MCM2: variants seen among roughly 807,000 people sequenced by gnomAD.
The protein encoded by MCM2 is DNA replication licensing factor MCM2.
In MCM2, 49 loss-of-function variants were observed where a neutral mutation model predicts 86.4. The ratio of observed to expected loss-of-function variants is 0.57; its 90% CI spans 0.45 to 0.72. The LOEUF is 0.72. Among genes scored for constraint, MCM2 ranks in the 30% least tolerant of loss-of-function variants. The probability of loss-of-function intolerance (pLI) is 0.00; values close to 1 mark genes in which losing one functional copy is unlikely to be tolerated. For synonymous variants in MCM2, 475 were observed against 484.6 expected, an observed-to-expected ratio of 0.98 and a Z score of 0.26; for missense variants, 1,038 against 1,259.9, an observed-to-expected ratio of 0.82 and a Z score of 2.67.
intron 2 of MCM2, chr3:127,604,393 T>C (rs1262854196): frequency 3.8e-6 from 2 of 524,232 alleles, no homozygotes; most frequent in African/African-American, 3.8e-5. Flanking sequence ...TTTCCTTCTA[T>C]TTTAAGGCTT....
rs2074453268 is a variant in MCM2, at chr3:127,618,875, A to G, written c.2014-152A>G. ...TGTCCCATTGTCTGGTTTGCCACCCACACCCAGAACTGCCTGGCACATGGT... is the reference window on the plus strand; with the variant it reads ...TGTCCCATTGTCTGGTTTGCCACCCGCACCCAGAACTGCCTGGCACATGGT... On this transcript the variant is annotated intron_variant, in intron 12 of 15. Transcript: ENST00000265056. The surrounding 1 kb of genome is among the most constrained non-coding windows in gnomAD (Gnocchi z 4.0). 1 of 886,586 alleles carries G rather than the reference A, an allele frequency of 1.1e-6. No homozygotes were observed. Among genetic ancestry groups the G allele is most frequent in the African/African-American group, 1.7e-5 (1 of 59,288 alleles). 54.9% of individuals were successfully genotyped at this position (886,586 alleles called of 1,614,324 possible). A position where few individuals can be genotyped will look rare whatever the true frequency, so the allele number is the denominator to read the frequency against.
intron 13 of MCM2, 80 bp downstream of exon 13, chr3:127,619,358 TG>T: frequency 6.6e-7 from 1 of 1,524,902 alleles, no homozygotes; most frequent in Non-Finnish European, 8.9e-7. Flanking sequence ...GCAGCGGGGG[TG>T]GTGGTCAGTC....
In MCM2 at chr3:127,620,716, A is replaced by G; in HGVS notation, c.2284A>G (p.Ile762Val). The G allele has an allele frequency of 6.2e-7, 1 of 1,603,650 alleles. No homozygotes were observed. The highest frequency in any genetic ancestry group is 8.5e-7 in the Non-Finnish European group (1 of 1,172,718). The change falls in exon 14 of 16, where the codon ATT (isoleucine) becomes GTT (valine). Residue 762 changes from isoleucine to valine, a missense_variant. Ile to Val is a conservative substitution (Grantham distance 29). Around this residue, in one of 4 missense-constraint regions of MCM2, gnomAD observed 336 missense variants for 425.7 expected, o/e 0.79. Coordinates refer to ENST00000265056, the MANE Select transcript of MCM2 (RefSeq NM_004526.4). ...TCTCCAGGCGACAGGCAGCATCCCC[A>G]TTACGGTGCGGCACATCGAGTCCAT... ...KESMATGSIP[I>V]TVRHIESMIR...
rs1476851939 is a variant in MCM2, at chr3:127,618,073, C to A, written c.2005C>A (p.Pro669Thr). Residue 669 changes from proline to threonine, a missense_variant, in exon 12 of 16, where the codon CCA becomes ACA. Physicochemically the swap from Pro to Thr is conservative, Grantham distance 38. This residue lies in a region of MCM2 where 336 missense variants were observed against 425.7 expected (regional missense o/e 0.79). Transcript: ENST00000265056. This position sits in a 1 kb window ranked among gnomAD's most constrained non-coding sequence, Gnocchi z 4.0. ...ILCVVRDTVD[P>T]VQDEMLARFV... ...GTGTGTGGTGAGGGACACCGTGGACCCAGTCCAGGTATAGCTCACATGTGC... is the reference window on the plus strand; with the variant it reads ...GTGTGTGGTGAGGGACACCGTGGACACAGTCCAGGTATAGCTCACATGTGC... 6.2e-7 allele frequency: 1 copy of A among 1,613,710 alleles called. No individual in the cohort carries two copies. Among genetic ancestry groups the A allele is most frequent in the Non-Finnish European group, 8.5e-7 (1 of 1,179,726 alleles).
chr3:127,599,717 G>A (rs927936471), intron 2 of MCM2, among the ~76,000 whole-genome samples, 170 bp downstream of exon 2: 4 of 152,166 alleles, frequency 2.6e-5, no homozygotes, highest in African/African-American at 9.7e-5. Context: ...CCATGACACA[G>A]GTCTCTTTAA....
intron 13 of MCM2, among the ~76,000 whole-genome samples, chr3:127,619,908 C>A (rs915643217): frequency 6.6e-6 from 1 of 152,054 alleles, no homozygotes; most frequent in East Asian, 1.9e-4. Flanking sequence ...TACTTGAGCC[C>A]AGGAGTTCGA....
At position 127,611,083 on chromosome 3, in the gene MCM2, T is replaced by C. The variant is rs551875788; in HGVS notation, c.1428+2060T>C. 5.9e-4 allele frequency: 241 copies of C among 411,152 alleles called. 2 individuals carry two copies. Among genetic ancestry groups the C allele is most frequent in the Non-Finnish European group, 7.5e-4 (153 of 204,120 alleles). The allele number at this position is 411,152 out of a possible 1,614,324, so 25.5% of individuals were successfully genotyped here. ...CAAGATCTTTTCATGTAGTTTTACA[T>C]GCGAGGAAGACAGTCACACAGGCAA... On this transcript the variant is annotated intron_variant, in intron 8 of 15. Coordinates refer to ENST00000265056, the MANE Select transcript of MCM2 (RefSeq NM_004526.4).
At chr3:127,611,023 A>G (rs1217103471) in intron 8 of MCM2, 4 of 450,190 alleles carry the variant, frequency 8.9e-6, no homozygotes, top group African/African-American at 8.0e-5. Flanking sequence ...CTCAGAGCTC[A>G]TATTTTACTA....
Position 127,620,695 on chromosome 3 carries a change from C to A in MCM2, c.2266-3C>A. The A allele has an allele frequency of 6.3e-7, 1 of 1,584,160 alleles. No homozygotes were observed. Among genetic ancestry groups the A allele is most frequent in the Non-Finnish European group, 8.6e-7 (1 of 1,160,972 alleles). ...AAAGACCTGACACTGTGCTTCTCTC[C>A]AGGCGACAGGCAGCATCCCCATTAC... On this transcript the variant is annotated splice_region_variant and splice_polypyrimidine_tract_variant and intron_variant, in intron 13 of 15. Coordinates refer to ENST00000265056, the MANE Select transcript of MCM2 (RefSeq NM_004526.4).
Position 127,617,214 on chromosome 3 carries a change from C to A in MCM2, c.1774-65C>A. The A allele has an allele frequency of 6.2e-7, 1 of 1,607,322 alleles. No individual in the cohort carries two copies. Among genetic ancestry groups the A allele is most frequent in the African/African-American group, 1.3e-5 (1 of 74,908 alleles). ...ATGGTGTTAATGGGGTCCATTGGGACCTCATCGGAGACTTAGTAGTAGGGG... is the reference window on the plus strand; with the variant it reads ...ATGGTGTTAATGGGGTCCATTGGGAACTCATCGGAGACTTAGTAGTAGGGG... On this transcript the variant is annotated intron_variant, in intron 10 of 15. Transcript: ENST00000265056. The surrounding 1 kb of genome is among the most constrained non-coding windows in gnomAD (Gnocchi z 4.1).
chr3:127,604,627 G>C lies in MCM2; in HGVS notation c.256G>C (p.Glu86Gln), dbSNP rs935605350. 1 of 1,613,310 alleles carries C rather than the reference G, an allele frequency of 6.2e-7. No individual in the cohort carries two copies. Among genetic ancestry groups the C allele is most frequent in the African/African-American group, 1.3e-5 (1 of 75,054 alleles). The change falls in exon 3 of 16, where the codon GAG becomes CAG. Residue 86 changes from glutamate (E) to glutamine (Q), a missense_variant. This residue lies in a region of MCM2 where 300 missense variants were observed against 307.4 expected (regional missense o/e 0.98). Coordinates refer to ENST00000265056, the MANE Select transcript of MCM2 (RefSeq NM_004526.4). ...GMERDYRAIPELDAYEAEGLA... is the reference protein window; with the variant it reads ...GMERDYRAIPQLDAYEAEGLA... ...CCTCAGGGACTACCGCGCCATCCCA[G>C]AGCTGGACGCCTATGAGGCCGAGGG...
Position 127,605,157 on chromosome 3 carries a change from G to C in MCM2, c.673+1G>C. 6.2e-7 allele frequency: 1 copy of C among 1,611,280 alleles called. No individual in the cohort carries two copies. Among genetic ancestry groups the C allele is most frequent in the Non-Finnish European group, 8.5e-7 (1 of 1,177,634 alleles). The stretch of plus-strand genomic sequence containing the variant: ...GAGCGCATCAGCGACATGTGCAAAG[G>C]TGTGGCTTCCCTACGCCCCCGCCTC... On this transcript the variant is annotated splice_donor_variant, in intron 4 of 15. Transcript: ENST00000265056. LOFTEE classifies it high-confidence loss of function.
Position 127,608,449 on chromosome 3 carries a change from T to C in MCM2, c.1169T>C (p.Leu390Pro). The C allele has an allele frequency of 6.2e-7, 1 of 1,614,204 alleles. No homozygotes were observed. The highest frequency in any genetic ancestry group is 8.5e-7 in the Non-Finnish European group (1 of 1,180,038). ...CCAGGCAAAGTGGCGGCTGGCCGGC[T>C]GCCCCGCTCCAAGGACGCCATTCTC... ...ESPGKVAAGR[L>P]PRSKDAILLA... is the part of the protein sequence containing the mutation. Residue 390 changes from leucine (L) to proline (P), a missense_variant, in exon 7 of 16, where the codon CTG (leucine) becomes CCG (proline). Leu to Pro is a moderately conservative substitution (Grantham distance 98). Coordinates refer to ENST00000265056, the MANE Select transcript of MCM2 (RefSeq NM_004526.4).
chr3:127,602,162 C>CTT lies in MCM2; in HGVS notation c.237-2427_237-2426dup, dbSNP rs201744525. On this transcript the variant is annotated intron_variant, in intron 2 of 15. Coordinates refer to ENST00000265056, the MANE Select transcript of MCM2 (RefSeq NM_004526.4). ...TGAAATTTGATGAAGTCCAGTTTAA[C>CTT]TTTTTTTTTTTTTTTTTTTTGTATG... Among the ~76,000 whole-genome samples, 327 of 127,920 alleles carry CTT rather than the reference C, an allele frequency of 2.6e-3. 3 individuals carry two copies. Among genetic ancestry groups the CTT allele is most frequent in the African/African-American group, 8.6e-3 (295 of 34,134 alleles). 83.9% of individuals were successfully genotyped at this position (127,920 alleles called of 152,430 possible).
chr3:127,598,833 C>T (rs1417939021), intron 1 of MCM2: 1 of 395,946 alleles, frequency 2.5e-6, no homozygotes, highest in East Asian at 4.5e-5. Context: ...TTGTTCCAAA[C>T]ACTACACTTA....
rs1221435834 is a variant in MCM2 at position 127,619,188 on chromosome 3, C to T, written c.2175C>T (p.Ile725=). 1 of 1,614,202 alleles carries T rather than the reference C, an allele frequency of 6.2e-7. No individual in the cohort carries two copies. The highest frequency in any genetic ancestry group is 8.5e-7 in the Non-Finnish European group (1 of 1,180,052). The change falls in exon 13 of 16, where the codon ATC becomes ATT. Residue 725 remains isoleucine (I), a synonymous_variant. Transcript: ENST00000265056. ...AGGAGGTCCTGAAGAAGTACATCAT[C>T]TACGCCAAGGAGAGGGTCCACCCGA... ...LPQEVLKKYI[I]YAKERVHPKL... is the part of the protein sequence containing the mutation.
intron 4 of MCM2, among the ~76,000 whole-genome samples, chr3:127,605,434 CT>C (rs1227332481): frequency 0.011 from 991 of 86,178 alleles, 6 homozygotes; most frequent in African/African-American, 0.035. Context: ...GGAATTGACT[CT>C]TTTTTTTTTT....
At position 127,618,147 on chromosome 3, in the gene MCM2, CAT is replaced by C. The variant is rs17538684; in HGVS notation, c.2013+68_2013+69del. On this transcript the variant is annotated intron_variant, in intron 12 of 15. Coordinates refer to ENST00000265056, the MANE Select transcript of MCM2 (RefSeq NM_004526.4). The surrounding 1 kb of genome is among the most constrained non-coding windows in gnomAD (Gnocchi z 4.0). ...GGGGACCTCAGGTGAGGCTTGGGGT[CAT>C]ACAGTGTGCCCAACACAGGGGACAG... 6.0e-4 allele frequency: 789 copies of C among 1,306,394 alleles called. 3 individuals are homozygous for C. The African/African-American group carries it at 9.8e-3, about 16-fold the overall frequency. 80.9% of individuals were successfully genotyped at this position (1,306,394 alleles called of 1,614,324 possible).
At chr3:127,609,137 G>T in intron 8 of MCM2, 114 bp downstream of exon 8, 1 of 1,106,450 alleles carries the variant, frequency 9.0e-7, no homozygotes. Context: ...TTATTCCCCT[G>T]GAGCTCAGTA....
Sources: gnomAD v4.1 joint callset for allele counts (sites outside exome capture counted in the v4.1 genomes callset) on GRCh38, gnomAD v4.1.1 for gene constraint, gnomAD v4.1.1 regional missense constraint, Gnocchi (gnomAD v3.1) non-coding constraint, MANE v1.5 for transcripts, NCBI Gene and HGNC (gene_info 2026-07-23, HGNC 2026-07-21) for gene names.